The following CASP5 variants were observed in gnomAD, a reference collection of about 807,000 sequenced individuals.
CASP5 encodes the protein caspase-5.
A neutral mutation model predicts 45.2 loss-of-function variants in CASP5; 42 were observed. The observed-to-expected ratio is 0.93, with a 90% CI of 0.73 to 1.20. CASP5 has a LOEUF of 1.20. Among genes scored for constraint, CASP5 ranks in the 50% most tolerant of loss-of-function variants. CASP5 has a pLI of 0.00. For missense variants in CASP5, 512 were observed against 532.2 expected (o/e 0.96, Z 0.37); for synonymous variants, 209 against 186.2 (o/e 1.12, Z -1.00).
In CASP5 at chr11:105,017,370, G is replaced by A. The variant is rs148657080; in HGVS notation, c.7+5760C>T. 3.7e-3 allele frequency among the ~76,000 whole-genome samples: 564 copies of A among 152,276 alleles called. 19 individuals carry two copies. The East Asian group carries it at 0.076, about 20-fold the overall frequency. On this transcript the variant is annotated intron_variant, in intron 1 of 9. Coordinates refer to ENST00000260315, the MANE Select transcript of CASP5 (RefSeq NM_004347.5). ...GATCAAATTACTCCGAGCTACGGGAGGACATTCAACCAAAGGCAAAGAAGT... is the reference window on the plus strand; with the variant it reads ...GATCAAATTACTCCGAGCTACGGGAAGACATTCAACCAAAGGCAAAGAAGT...
chr11:105,022,503 G>A (rs1250094823), intron 1 of CASP5, among the ~76,000 whole-genome samples: 2 of 152,040 alleles, frequency 1.3e-5, no homozygotes, highest in African/African-American at 4.8e-5. Context: ...GGCTTTTTTA[G>A]CTTCTGTGTA....
At chr11:105,003,880 A>G (rs1217050555) in intron 3 of CASP5, among the ~76,000 whole-genome samples, 2 of 150,812 alleles carry the variant, frequency 1.3e-5, no homozygotes, top group Admixed American at 1.3e-4. Flanking sequence ...TTTATTTAAC[A>G]TAATATATTC....
rs1410451395 is a variant in CASP5 at position 105,004,979 on chromosome 11, G to C, written c.434-1596C>G. Among the ~76,000 whole-genome samples the C allele has an allele frequency of 1.3e-5, 2 of 151,996 alleles. 1 individual carries two copies. Among genetic ancestry groups the C allele is most frequent in the South Asian group, 4.1e-4 (2 of 4,822 alleles). On this transcript the variant is annotated intron_variant, in intron 3 of 9. Coordinates refer to ENST00000260315, the MANE Select transcript of CASP5 (RefSeq NM_004347.5). ...CTGTGTGTAGAACAGGTGTTTTCCAGTAAAATTAGAAATTAGACAGAAATT... is the reference window on the plus strand; with the variant it reads ...CTGTGTGTAGAACAGGTGTTTTCCACTAAAATTAGAAATTAGACAGAAATT...
Position 104,997,473 on chromosome 11 carries a change from G to C in CASP5, c.1116C>G (p.Asp372Glu). 1 of 1,611,658 alleles carries C rather than the reference G, an allele frequency of 6.2e-7. No homozygotes were observed. The highest frequency in any genetic ancestry group is 8.5e-7 in the Non-Finnish European group (1 of 1,177,936). The change falls in exon 8 of 10, where the codon GAC becomes GAG. Residue 372 changes from aspartate to glutamate, a missense_variant. Physicochemically the swap from Asp to Glu is conservative, Grantham distance 45. Coordinates refer to ENST00000260315, the MANE Select transcript of CASP5 (RefSeq NM_004347.5). ...SSTPHNVSWR[D>E]RTRGSIFITE... is the part of the protein sequence containing the mutation. ...TAATGAAGATGGAGCCCCTTGTGCGGTCTCTCCAGGACACGTTATCTATGA... is the reference window on the plus strand; with the variant it reads ...TAATGAAGATGGAGCCCCTTGTGCGCTCTCTCCAGGACACGTTATCTATGA...
intron 1 of CASP5, among the ~76,000 whole-genome samples, chr11:105,017,386 G>T (rs928488053): frequency 1.2e-4 from 18 of 152,108 alleles, no homozygotes; most frequent in African/African-American, 3.9e-4. Context: ...TCAACCAAAG[G>T]CAAAGAAGTT....
rs577821059 is a variant in CASP5 at position 105,019,718 on chromosome 11, A to G, written c.7+3412T>C. On this transcript the variant is annotated intron_variant, in intron 1 of 9. Coordinates refer to ENST00000260315, the MANE Select transcript of CASP5 (RefSeq NM_004347.5). ...CCAGATGGATTCACAGCCGAATTCT[A>G]CCAGAGGTACAAGGAGGAACTGGTA... Among the ~76,000 whole-genome samples, 214 of 145,166 alleles carry G rather than the reference A, an allele frequency of 1.5e-3. 11 individuals are homozygous for G. Among genetic ancestry groups the G allele is most frequent in the African/African-American group, 5.0e-3 (201 of 40,262 alleles).
chr11:105,015,126 T>C (rs180874085), intron 1 of CASP5, among the ~76,000 whole-genome samples: 13 of 151,796 alleles, frequency 8.6e-5, no homozygotes, highest in African/African-American at 2.7e-4. Flanking sequence ...TTGAAGATGT[T>C]TGTTTGCAGA....
chr11:105,007,367 G>A, intron 2 of CASP5, 33 bp from the exon 3 acceptor site: 6 of 1,570,928 alleles, frequency 3.8e-6, no homozygotes, highest in Non-Finnish European at 2.6e-6. Context: ...TTTAACTATG[G>A]GCACAGCTTA....
intron 1 of CASP5, among the ~76,000 whole-genome samples, chr11:105,012,342 G>A (rs758752909): frequency 4.6e-4 from 70 of 151,772 alleles, no homozygotes; most frequent in Admixed American, 3.3e-3. Context: ...ACACAAAAAC[G>A]TGGAAAAGCT....
chr11:105,021,161 A>C (rs1862938129), intron 1 of CASP5, among the ~76,000 whole-genome samples: 1 of 150,956 alleles, frequency 6.6e-6, no homozygotes, highest in Non-Finnish European at 1.5e-5. Flanking sequence ...AATTAATTCA[A>C]GATGGATTAA....
intron 2 of CASP5, 47 bp from the exon 3 acceptor site, chr11:105,007,381 A>T (rs1591164564): frequency 1.3e-6 from 2 of 1,541,622 alleles, no homozygotes; most frequent in East Asian, 4.5e-5. Flanking sequence ...CAGCTTAAAG[A>T]GTTCTGCCTT....
At chr11:104,997,623 T>C in intron 7 of CASP5, 131 bp from the exon 8 acceptor site, 2 of 537,314 alleles carry the variant, frequency 3.7e-6, no homozygotes, top group South Asian at 2.5e-5. Flanking sequence ...AACATTTACT[T>C]AGGTTTCACA....
intron 9 of CASP5, among the ~76,000 whole-genome samples, chr11:104,994,624 C>T (rs1192513755): frequency 1.3e-5 from 2 of 152,184 alleles, no homozygotes; most frequent in Non-Finnish European, 2.9e-5. Context: ...GATGTTCAAG[C>T]ACATTGTGAT....
chr11:105,017,166 T>G (rs1256062573), intron 1 of CASP5, among the ~76,000 whole-genome samples: 4 of 151,630 alleles, frequency 2.6e-5, no homozygotes, highest in South Asian at 4.2e-4. Flanking sequence ...TACATCACCA[T>G]CATCAAAGAC....
At chr11:105,010,047 T>TATA (rs1219688774) in intron 1 of CASP5, among the ~76,000 whole-genome samples, 1 of 150,690 alleles carries the variant, frequency 6.6e-6, no homozygotes, top group Non-Finnish European at 1.5e-5. Context: ...CTGTTAACTC[T>TATA]ATAAAGATCA....
chr11:105,003,471 A>T (rs1861851482), intron 3 of CASP5, 88 bp from the exon 4 acceptor site: 3 of 674,236 alleles, frequency 4.4e-6, no homozygotes, highest in Non-Finnish European at 7.5e-6. Context: ...GAGAGAGAGA[A>T]ATCCTAGGAA....
intron 1 of CASP5, among the ~76,000 whole-genome samples, chr11:105,019,394 T>G (rs1312464124): frequency 2.0e-5 from 3 of 149,828 alleles, no homozygotes; most frequent in African/African-American, 7.3e-5. Flanking sequence ...ATCAACAAAA[T>G]TCATAGACCG....
chr11:104,996,910 A>G (rs1009739199), intron 8 of CASP5, among the ~76,000 whole-genome samples: 1 of 152,026 alleles, frequency 6.6e-6, no homozygotes, highest in Non-Finnish European at 1.5e-5. Context: ...TCCCTGTTAC[A>G]TGCCTTTATG....
chr11:104,996,144 T>G (rs961716989), intron 8 of CASP5, among the ~76,000 whole-genome samples: 1 of 152,210 alleles, frequency 6.6e-6, no homozygotes, highest in Non-Finnish European at 1.5e-5. Context: ...CTTTGGGATA[T>G]GCTCATGAGA....
Sources: gnomAD v4.1 joint callset for allele counts (sites outside exome capture counted in the v4.1 genomes callset) on GRCh38, gnomAD v4.1.1 for gene constraint, MANE v1.5 for transcripts, NCBI Gene and HGNC (gene_info 2026-07-23, HGNC 2026-07-21) for gene names.